CSMD1: variants seen among roughly 807,000 people sequenced by gnomAD.
CSMD1 encodes CUB and Sushi multiple domains 1.
Under a neutral mutation model 417.5 loss-of-function variants are expected in CSMD1, and 213 were observed. The ratio of observed to expected loss-of-function variants is 0.51; its 90% CI spans 0.46 to 0.57. The LOEUF is 0.57. CSMD1 is among the 20% of genes least tolerant of loss of function. The pLI is 0.00. For missense variants in CSMD1, 6,923 were observed against 4,529.7 expected (o/e 1.53, Z -15.17); for synonymous variants, 2,862 against 1,736.8 (o/e 1.65, Z -16.11).
chr8:3,519,453 T>C (rs1427481985), intron 10 of CSMD1, among the ~76,000 whole-genome samples: 1 of 152,200 alleles, frequency 6.6e-6, no homozygotes, highest in Non-Finnish European at 1.5e-5. Context: ...CTTGATCATC[T>C]GAGAGGAAAC....
chr8:4,970,768 C>T (rs986498014), intron 1 of CSMD1, among the ~76,000 whole-genome samples: 6 of 152,026 alleles, frequency 3.9e-5, no homozygotes, highest in African/African-American at 1.2e-4. Context: ...CAAAACCAAA[C>T]AAGGGTCTTA....
chr8:3,013,938 G>T (rs1244740461), intron 52 of CSMD1, among the ~76,000 whole-genome samples: 1 of 152,054 alleles, frequency 6.6e-6, no homozygotes, highest in Non-Finnish European at 1.5e-5. Context: ...CCTGAGCATT[G>T]CATGGCAGCA....
At chr8:3,439,265 G>C (rs1196750886) in intron 12 of CSMD1, among the ~76,000 whole-genome samples, 1 of 118,220 alleles carries the variant, frequency 8.5e-6, no homozygotes. Flanking sequence ...CTATTTGAGA[G>C]CATTTGGCAA....
intron 5 of CSMD1, among the ~76,000 whole-genome samples, chr8:3,763,073 C>A (rs117939542): frequency 9.0e-4 from 137 of 152,258 alleles, no homozygotes; most frequent in African/African-American, 3.2e-3. Context: ...CTGTCCTATT[C>A]TCACGGTCTC....
chr8:4,928,830 G>C (rs1054317935), intron 1 of CSMD1, among the ~76,000 whole-genome samples: 2 of 152,140 alleles, frequency 1.3e-5, no homozygotes, highest in African/African-American at 4.8e-5. Context: ...AGGACTTTGG[G>C]AGGCTGAGGT....
At chr8:3,706,520 G>C (rs948201769) in intron 7 of CSMD1, among the ~76,000 whole-genome samples, 1 of 152,140 alleles carries the variant, frequency 6.6e-6, no homozygotes. Flanking sequence ...TAAAAGAAAG[G>C]ACAGAACGCT....
At position 3,667,763 on chromosome 8, in the gene CSMD1, C is replaced by G. The variant is rs17397845; in HGVS notation, c.1009+40651G>C. 2.8e-4 allele frequency among the ~76,000 whole-genome samples: 42 copies of G among 152,192 alleles called. No individual in the cohort carries two copies. The East Asian group carries it at 7.5e-3, about 27-fold the overall frequency. ...AACAAGAGTTCTGAAAAGCAACCTT[C>G]AGGGAGCAAGTGTCTTGCGGAAAAT... is the stretch of plus-strand genomic sequence containing the variant. On this transcript the variant is annotated intron_variant, in intron 7 of 69. Transcript: ENST00000635120.
chr8:4,274,432 C>CA (rs1424358966), intron 3 of CSMD1, among the ~76,000 whole-genome samples: 1 of 152,216 alleles, frequency 6.6e-6, no homozygotes, highest in Non-Finnish European at 1.5e-5. Flanking sequence ...CCAAGAGTTG[C>CA]AAACGCATTA....
intron 1 of CSMD1, among the ~76,000 whole-genome samples, chr8:4,702,803 A>G (rs1425527526): frequency 6.6e-6 from 1 of 152,154 alleles, no homozygotes; most frequent in East Asian, 1.9e-4. Context: ...ATAAATAATA[A>G]TAGCGGGATT....
chr8:3,838,533 T>TAA (rs1378160689), intron 5 of CSMD1, among the ~76,000 whole-genome samples: 1 of 132,056 alleles, frequency 7.6e-6, no homozygotes, highest in Non-Finnish European at 1.6e-5. Context: ...CCTATATATA[T>TAA]AGTCTATATA....
intron 2 of CSMD1, among the ~76,000 whole-genome samples, chr8:4,530,252 G>A (rs1386873244): frequency 7.5e-6 from 1 of 132,712 alleles, no homozygotes; most frequent in African/African-American, 2.8e-5. Context: ...GCTCCATTTT[G>A]TGTCTTCATC....
rs183571035 is a variant in CSMD1, at chr8:3,578,174, T to G, written c.1223-3108A>C. Among the ~76,000 whole-genome samples, 8 of 152,300 alleles carry G rather than the reference T, an allele frequency of 5.3e-5. No homozygotes were observed. The East Asian group carries it at 1.5e-3, about 29-fold the overall frequency. On this transcript the variant is annotated intron_variant, in intron 9 of 69. Coordinates refer to ENST00000635120, the MANE Select transcript of CSMD1 (RefSeq NM_033225.6). ...AGCACCAGAAGGGTATAATTTCTCA[T>G]GTCTACCATATGTTACGCTTTAAAA...
rs544928870 is a variant in CSMD1 at position 3,988,159 on chromosome 8, C to G, written c.818+9744G>C. 5.9e-5 allele frequency among the ~76,000 whole-genome samples: 9 copies of G among 152,216 alleles called. No homozygotes were observed. The East Asian group carries it at 1.7e-3, about 29-fold the overall frequency. ...CATCTGCTGGGCAGTTGGGCTGGTT[C>G]AGAAAACTAAATCAGAGTCTCTAAG... is the stretch of plus-strand genomic sequence containing the variant. On this transcript the variant is annotated intron_variant, in intron 5 of 69. Transcript: ENST00000635120.
At chr8:4,539,572 T>C (rs1797280015) in intron 2 of CSMD1, among the ~76,000 whole-genome samples, 1 of 152,234 alleles carries the variant, frequency 6.6e-6, no homozygotes, top group South Asian at 2.1e-4. Context: ...TTTCTCATGT[T>C]ACACTGGCTT....
At chr8:4,458,822 C>G (rs911431852) in intron 2 of CSMD1, among the ~76,000 whole-genome samples, 2 of 152,046 alleles carry the variant, frequency 1.3e-5, no homozygotes, top group Non-Finnish European at 2.9e-5. Context: ...TCAATTAGAT[C>G]CAAAGACCCA....
At chr8:4,699,310 G>C (rs893962480) in intron 1 of CSMD1, among the ~76,000 whole-genome samples, 1 of 152,138 alleles carries the variant, frequency 6.6e-6, no homozygotes, top group African/African-American at 2.4e-5. Context: ...CTAGCAGAGT[G>C]CTTTACTTCT....
chr8:4,065,995 G>C (rs535776350), intron 3 of CSMD1, among the ~76,000 whole-genome samples: 4 of 152,300 alleles, frequency 2.6e-5, no homozygotes, highest in East Asian at 1.9e-4. Context: ...AGGGGAAGGA[G>C]ACCCTTCTCC....
chr8:3,042,111 C>T (rs1462948638), intron 50 of CSMD1, among the ~76,000 whole-genome samples: 1 of 152,120 alleles, frequency 6.6e-6, no homozygotes, highest in Non-Finnish European at 1.5e-5. Flanking sequence ...CCAAGCCACC[C>T]AGGCAGGAGG....
intron 37 of CSMD1, among the ~76,000 whole-genome samples, chr8:3,171,876 C>T (rs1337601899): frequency 2.0e-5 from 3 of 152,242 alleles, no homozygotes; most frequent in East Asian, 3.9e-4. Flanking sequence ...CAGTTTAATA[C>T]TTGTTAAATA....
Sources: gnomAD v4.1 joint callset for allele counts (sites outside exome capture counted in the v4.1 genomes callset) on GRCh38, gnomAD v4.1.1 for gene constraint, MANE v1.5 for transcripts, NCBI Gene and HGNC (gene_info 2026-07-23, HGNC 2026-07-21) for gene names.